The following SDK2 variants were observed in gnomAD, a reference collection of about 807,000 sequenced individuals.
SDK2 encodes protein sidekick-2.
In SDK2, 105 loss-of-function variants were observed where a neutral mutation model predicts 253.9. The ratio of observed to expected loss-of-function variants is 0.41; its 90% CI spans 0.35 to 0.49. SDK2 has a LOEUF of 0.49. Among genes scored for constraint, SDK2 ranks in the 20% least tolerant of loss-of-function variants. The pLI is 0.06. For synonymous variants in SDK2, 1,249 were observed against 1,234.9 expected, an observed-to-expected ratio of 1.01 and a Z score of -0.24; for missense variants, 2,608 against 3,003.0, an observed-to-expected ratio of 0.87 and a Z score of 3.07.
chr17:73,414,515 C>T, intron 18 of SDK2, 129 bp downstream of exon 18: 1 of 699,620 alleles, frequency 1.4e-6, no homozygotes, highest in Non-Finnish European at 2.5e-6. Context: ...AATGTGTGTC[C>T]CTAGCTTGAC....
At chr17:73,421,809 C>G (rs2063233760) in intron 15 of SDK2, among the ~76,000 whole-genome samples, 1 of 152,108 alleles carries the variant, frequency 6.6e-6, no homozygotes, top group Non-Finnish European at 1.5e-5. Context: ...GATCCGCCCG[C>G]CTCAGCCTCC....
At chr17:73,354,915 C>T (rs750534488) in intron 40 of SDK2, among the ~76,000 whole-genome samples, 4 of 151,744 alleles carry the variant, frequency 2.6e-5, no homozygotes, top group South Asian at 2.1e-4. Flanking sequence ...TAGACCCAGC[C>T]GTGTAAGTCG....
At chr17:73,378,380 G>T (rs2062801301) in intron 36 of SDK2, among the ~76,000 whole-genome samples, 1 of 152,040 alleles carries the variant, frequency 6.6e-6, no homozygotes, top group African/African-American at 2.4e-5. Flanking sequence ...GGAATTACAG[G>T]TGTGAGCCAC....
At position 73,629,717 on chromosome 17, in the gene SDK2, C is replaced by T. The variant is rs1326376277; in HGVS notation, c.64+14308G>A. Among the ~76,000 whole-genome samples the T allele has an allele frequency of 6.6e-6, 1 of 152,112 alleles. No individual in the cohort carries two copies. The highest frequency in any genetic ancestry group is 1.5e-5 in the Non-Finnish European group (1 of 68,034). ...CTTGCTGCCTTCACTTGACCGTGAG[C>T]AATTTGAGGGCAAGGACCTGCCTTA... On this transcript the variant is annotated intron_variant, in intron 1 of 44. Transcript: ENST00000392650. The surrounding 1 kb of genome is among the most constrained non-coding windows in gnomAD (Gnocchi z 5.0).
At chr17:73,415,754 G>C in intron 17 of SDK2, 57 bp downstream of exon 17, 1 of 1,457,028 alleles carries the variant, frequency 6.9e-7, no homozygotes, top group South Asian at 1.3e-5. Context: ...GTCCCAAAGT[G>C]CTAGGATTAC....
chr17:73,404,606 G>A (rs933230136), intron 18 of SDK2, among the ~76,000 whole-genome samples: 5 of 152,188 alleles, frequency 3.3e-5, no homozygotes, highest in East Asian at 1.9e-4. Context: ...CTCAGTTTGT[G>A]GACCCTGAGA....
chr17:73,380,969 G>A lies in SDK2; in HGVS notation c.4706-19C>T, dbSNP rs754611415. The A allele has an allele frequency of 5.5e-5, 70 of 1,264,156 alleles. No homozygotes were observed. The highest frequency in any genetic ancestry group is 3.7e-4 in the East Asian group (15 of 40,016). 78.3% of individuals were successfully genotyped at this position (1,264,156 alleles called of 1,614,324 possible). Reference sequence around the variant, plus strand: ...TACATGGCTATGGGGTGGGGGTGCCGGGGCGGGGGCGCAGAGGGAGACAGC... The same window carrying A: ...TACATGGCTATGGGGTGGGGGTGCCAGGGCGGGGGCGCAGAGGGAGACAGC... On this transcript the variant is annotated intron_variant, in intron 33 of 44. Transcript: ENST00000392650.
At chr17:73,636,636 A>C (rs2046333224) in intron 1 of SDK2, among the ~76,000 whole-genome samples, 1 of 141,088 alleles carries the variant, frequency 7.1e-6, no homozygotes. Flanking sequence ...AGCTGAGATC[A>C]TGCCACTGCA....
At chr17:73,393,341 C>T (rs189477600) in intron 27 of SDK2, among the ~76,000 whole-genome samples, 6 of 151,838 alleles carry the variant, frequency 4.0e-5, no homozygotes, top group Admixed American at 1.3e-4. Flanking sequence ...CTGAATCAGA[C>T]GTCAAACTGC....
chr17:73,516,923 A>G (rs959076915), intron 1 of SDK2: 24 of 152,350 alleles, frequency 1.6e-4, no homozygotes, highest in African/African-American at 5.0e-4. Flanking sequence ...GAGCCTTGAC[A>G]TGGCCCCAGG....
At chr17:73,509,902 C>CAA (rs71157018) in intron 1 of SDK2, among the ~76,000 whole-genome samples, 337 of 25,392 alleles carry the variant, frequency 0.013, 35 homozygotes, top group Non-Finnish European at 0.016. Flanking sequence ...TCCATCTCTA[C>CAA]AAAAAAAAAA....
At chr17:73,584,233 C>T (rs2045574014) in intron 1 of SDK2, among the ~76,000 whole-genome samples, 1 of 152,214 alleles carries the variant, frequency 6.6e-6, no homozygotes, top group South Asian at 2.1e-4. Context: ...ACACCTTCTC[C>T]CAGTGCTAGG....
intron 2 of SDK2, among the ~76,000 whole-genome samples, chr17:73,500,443 CCCTCCATCT>C (rs142230259): frequency 0.074 from 10,713 of 145,364 alleles, 464 homozygotes; most frequent in Non-Finnish European, 0.088. Flanking sequence ...CATCCATCCT[CCCTCCATCT>C]CCTCCATCCT....
Position 73,391,187 on chromosome 17 carries a change from G to T in SDK2, c.3997+253C>A, listed in dbSNP as rs572172108. On this transcript the variant is annotated intron_variant, in intron 28 of 44. Coordinates refer to ENST00000392650, the MANE Select transcript of SDK2 (RefSeq NM_001144952.2). ...TTACCAGATGGCCGGCAGGCTGGGG[G>T]CCTGGGGACATTTGGGGACGCAAAG... Among the ~76,000 whole-genome samples the T allele has an allele frequency of 8.5e-4, 129 of 152,338 alleles. 1 individual carries two copies. The highest frequency in any genetic ancestry group is 3.0e-3 in the African/African-American group (125 of 41,578).
chr17:73,377,834 A>T (rs1341506826), intron 36 of SDK2, among the ~76,000 whole-genome samples: 12 of 143,838 alleles, frequency 8.3e-5, no homozygotes, highest in East Asian at 4.2e-4. Context: ...CTGGTCTCGA[A>T]CTCCCGACCT....
chr17:73,365,855 G>A (rs1599488123), intron 37 of SDK2, among the ~76,000 whole-genome samples: 7 of 152,262 alleles, frequency 4.6e-5, no homozygotes, highest in South Asian at 2.1e-4. Context: ...CACAGCAGAC[G>A]GAGATGGCCT....
At chr17:73,579,455 C>T (rs537075602) in intron 1 of SDK2, among the ~76,000 whole-genome samples, 1 of 152,298 alleles carries the variant, frequency 6.6e-6, no homozygotes, top group African/African-American at 2.4e-5. Flanking sequence ...GGTGCTCCCC[C>T]TCCCTGAAGA....
chr17:73,449,256 C>T (rs1304804590), intron 4 of SDK2, among the ~76,000 whole-genome samples: 1 of 152,190 alleles, frequency 6.6e-6, no homozygotes, highest in Non-Finnish European at 1.5e-5. Flanking sequence ...CAAACAAAGC[C>T]ATTAGTTTGT....
chr17:73,607,012 A>G (rs1055048756), intron 1 of SDK2, among the ~76,000 whole-genome samples: 2 of 152,230 alleles, frequency 1.3e-5, no homozygotes, highest in African/African-American at 2.4e-5. Flanking sequence ...AAGCTAGACC[A>G]TGAGGCTGGA....
Sources: gnomAD v4.1 joint callset for allele counts (sites outside exome capture counted in the v4.1 genomes callset) on GRCh38, gnomAD v4.1.1 for gene constraint, Gnocchi (gnomAD v3.1) non-coding constraint, MANE v1.5 for transcripts, NCBI Gene and HGNC (gene_info 2026-07-23, HGNC 2026-07-21) for gene names.